The following CLDN16 variants were observed in gnomAD, a reference collection of about 807,000 sequenced individuals.
CLDN16 encodes the protein claudin 16.
A neutral mutation model predicts 24.6 loss-of-function variants in CLDN16; 13 were observed. That is an observed-to-expected ratio of 0.53 (90% CI 0.34 to 0.84). CLDN16 has a LOEUF of 0.84. CLDN16 is among the 40% of genes least tolerant of loss of function. CLDN16 has a pLI of 0.01. For missense variants in CLDN16, 298 were observed against 292.7 expected (o/e 1.02, Z -0.13); for synonymous variants, 116 against 106.7 (o/e 1.09, Z -0.54).
upstream of CLDN16, among the ~76,000 whole-genome samples, chr3:190,386,901 T>C (rs1447411005): frequency 3.9e-5 from 6 of 152,228 alleles, no homozygotes; most frequent in Non-Finnish European, 8.8e-5. Context: ...GGTTTATCAA[T>C]ACTGATTTTA....
the CLDN16 span, among the ~76,000 whole-genome samples, chr3:190,314,549 C>A: frequency 6.8e-6 from 1 of 146,738 alleles, no homozygotes; most frequent in Non-Finnish European, 1.5e-5. Context: ...CACGAACCAC[C>A]ATGCCTGGCT....
intron 1 of CLDN16, among the ~76,000 whole-genome samples, chr3:190,363,576 ATATATATATATATATATATATT>A (rs1717952225): frequency 7.5e-6 from 1 of 134,088 alleles, no homozygotes; most frequent in African/African-American, 2.7e-5. Flanking sequence ...ATATATATAT[ATATATATATATATATATATATT>A]TTCTTTCTCC....
At chr3:190,399,502 T>A (rs1160752740) in intron 1 of CLDN16, among the ~76,000 whole-genome samples, 1 of 122,598 alleles carries the variant, frequency 8.2e-6, no homozygotes, top group African/African-American at 3.2e-5. Flanking sequence ...ACAGCGAGAC[T>A]CTGCCTCAAA....
chr3:190,386,236 G>A (rs1718494788), upstream of CLDN16, among the ~76,000 whole-genome samples: 1 of 152,042 alleles, frequency 6.6e-6, no homozygotes, highest in African/African-American at 2.4e-5. Flanking sequence ...TGTATTCCGT[G>A]GGCAATGACA....
At chr3:190,292,534 G>A in the CLDN16 span, among the ~76,000 whole-genome samples, 1 of 152,184 alleles carries the variant, frequency 6.6e-6, no homozygotes, top group African/African-American at 2.4e-5. Flanking sequence ...GGCTATTAAT[G>A]TTTGGCTCCT....
At chr3:190,338,045 C>G (rs951116055) in intron 1 of CLDN16, among the ~76,000 whole-genome samples, 1 of 152,182 alleles carries the variant, frequency 6.6e-6, no homozygotes, top group Non-Finnish European at 1.5e-5. Context: ...CCTAAACCAA[C>G]AGCCATTACA....
chr3:190,315,858 A>G, the CLDN16 span, among the ~76,000 whole-genome samples: 1 of 152,136 alleles, frequency 6.6e-6, no homozygotes, highest in Non-Finnish European at 1.5e-5. Context: ...CATCAATCTC[A>G]TGAGTCGGAC....
At chr3:190,322,302 C>G, upstream of CLDN16, 2 of 1,118,460 alleles carry the variant, frequency 1.8e-6, no homozygotes, top group Admixed American at 3.9e-5. Context: ...GTGGCTGGGC[C>G]CCGCGGAGGA....
At chr3:190,363,280 AT>A (rs1422550177) in intron 1 of CLDN16, among the ~76,000 whole-genome samples, 1 of 151,626 alleles carries the variant, frequency 6.6e-6, no homozygotes, top group Non-Finnish European at 1.5e-5. Context: ...AGTTACAGGC[AT>A]TCTAGCTGGT....
At chr3:190,345,275 CTT>C (rs1387284846) in intron 1 of CLDN16, among the ~76,000 whole-genome samples, 3 of 152,114 alleles carry the variant, frequency 2.0e-5, no homozygotes, top group African/African-American at 7.2e-5. Context: ...TTCACAACCT[CTT>C]TGTTCATTTT....
chr3:190,304,204 A>G, the CLDN16 span, among the ~76,000 whole-genome samples: 1 of 152,162 alleles, frequency 6.6e-6, no homozygotes, highest in Non-Finnish European at 1.5e-5. Context: ...GAGCCACTGC[A>G]TGGGTCTAAG....
intron 3 of CLDN16, among the ~76,000 whole-genome samples, chr3:190,374,874 A>G (rs1174568521): frequency 6.6e-6 from 1 of 152,002 alleles, no homozygotes; most frequent in Non-Finnish European, 1.5e-5. Context: ...AGTATTACTA[A>G]TGAGAATATA....
chr3:190,355,744 G>A (rs1161885089), intron 1 of CLDN16, among the ~76,000 whole-genome samples: 1 of 151,654 alleles, frequency 6.6e-6, no homozygotes, highest in East Asian at 1.9e-4. Context: ...GATTCTAGTG[G>A]TATGCACATA....
chr3:190,341,523 C>T (rs192653415), intron 1 of CLDN16, among the ~76,000 whole-genome samples: 153 of 151,986 alleles, frequency 1.0e-3, no homozygotes, highest in Non-Finnish European at 1.8e-3. Context: ...AGCAGAGGAA[C>T]CCTGGGCCTG....
rs754911596 is a variant in CLDN16 at position 190,408,354 on chromosome 3, T to C, written c.423T>C (p.Asp141=). 1 of 1,614,188 alleles carries C rather than the reference T, an allele frequency of 6.2e-7. No individual in the cohort carries two copies. The highest frequency in any genetic ancestry group is 1.1e-5 in the South Asian group (1 of 91,082). Reference sequence around the variant, plus strand: ...TTGGCTCTGTGTGGTATGCTGTTGATGTGTATGTGGAACGTTCTACTTTGG... The same window carrying C: ...TTGGCTCTGTGTGGTATGCTGTTGACGTGTATGTGGAACGTTCTACTTTGG... The part of the protein sequence containing the change: ...GIIGSVWYAV[D]VYVERSTLVL... Residue 141 remains aspartate, a synonymous_variant, in exon 4 of 5, where the codon GAT becomes GAC. Coordinates refer to ENST00000264734, the MANE Select transcript of CLDN16 (RefSeq NM_006580.4).
At chr3:190,379,054 G>A (rs1718302126) in intron 3 of CLDN16, among the ~76,000 whole-genome samples, 1 of 152,004 alleles carries the variant, frequency 6.6e-6, no homozygotes. Context: ...TTGAAAATTT[G>A]AGGCGTAAGC....
chr3:190,292,798 C>G, the CLDN16 span, among the ~76,000 whole-genome samples: 1 of 152,132 alleles, frequency 6.6e-6, no homozygotes, highest in Admixed American at 6.6e-5. Context: ...CAGTAAGTTC[C>G]TCATCTCCAT....
the CLDN16 span, chr3:190,306,877 A>G: frequency 6.5e-6 from 1 of 152,704 alleles, no homozygotes; most frequent in African/African-American, 2.4e-5. Flanking sequence ...AGACTGGTAG[A>G]GAGAGGAAGG....
intron 2 of CLDN16, among the ~76,000 whole-genome samples, 176 bp from the exon 3 acceptor site, chr3:190,404,586 T>A (rs1169493297): frequency 6.6e-6 from 1 of 152,194 alleles, no homozygotes; most frequent in African/African-American, 2.4e-5. Context: ...TAATCTCATA[T>A]TTTTTAGTTT....
Sources: gnomAD v4.1 joint callset for allele counts (sites outside exome capture counted in the v4.1 genomes callset) on GRCh38, gnomAD v4.1.1 for gene constraint, MANE v1.5 for transcripts, NCBI Gene and HGNC (gene_info 2026-07-23, HGNC 2026-07-21) for gene names.